CNTNAP2: variants seen among roughly 807,000 people sequenced by gnomAD.
CNTNAP2 encodes contactin-associated protein-like 2.
CNTNAP2 carries 98 observed loss-of-function variants against 155.2 expected under a neutral mutation model. The observed-to-expected ratio is 0.63, with a 90% CI of 0.54 to 0.75. The LOEUF is 0.75. Ranked by LOEUF, CNTNAP2 falls within the 30% of genes least tolerant of loss-of-function variation. The probability of loss-of-function intolerance (pLI) is 0.00; values close to 1 mark genes in which losing one functional copy is unlikely to be tolerated. For synonymous variants in CNTNAP2, 651 were observed against 631.2 expected, an observed-to-expected ratio of 1.03 and a Z score of -0.47; for missense variants, 1,727 against 1,688.1, an observed-to-expected ratio of 1.02 and a Z score of -0.40.
At chr7:148,371,846 C>T (rs565099949) in intron 21 of CNTNAP2, among the ~76,000 whole-genome samples, 2 of 152,170 alleles carry the variant, frequency 1.3e-5, no homozygotes, top group South Asian at 2.1e-4. Context: ...CTGTAGGCAA[C>T]GGTAACACAA....
rs376088465 is a variant in CNTNAP2, at chr7:148,288,185, C to T, written c.3475+21059C>T. ...CACAATCTTGGCTCACTGCAAGCTC[C>T]GCCTCCCAGCTTCAAGTGATTCTCC... is the stretch of plus-strand genomic sequence containing the variant. On this transcript the variant is annotated intron_variant, in intron 21 of 23. Coordinates refer to ENST00000361727, the MANE Select transcript of CNTNAP2 (RefSeq NM_014141.6). Among the ~76,000 whole-genome samples, 197 of 151,658 alleles carry T rather than the reference C, an allele frequency of 1.3e-3. No homozygotes were observed. In the Middle Eastern group the frequency reaches 0.034, roughly 26 times the overall value.
chr7:147,012,746 G>GTAAT (rs1376467488), intron 3 of CNTNAP2, among the ~76,000 whole-genome samples: 1 of 152,074 alleles, frequency 6.6e-6, no homozygotes, highest in Non-Finnish European at 1.5e-5. Flanking sequence ...AACATAATTT[G>GTAAT]TAATTAGATT....
intron 21 of CNTNAP2, among the ~76,000 whole-genome samples, chr7:148,289,487 C>T (rs1797152079): frequency 1.3e-5 from 2 of 151,250 alleles, no homozygotes; most frequent in Non-Finnish European, 2.9e-5. Flanking sequence ...AGAGTATGAC[C>T]AATAAACACC....
intron 21 of CNTNAP2, among the ~76,000 whole-genome samples, chr7:148,281,026 A>T (rs975711056): frequency 4.6e-5 from 7 of 152,174 alleles, no homozygotes; most frequent in Non-Finnish European, 1.0e-4. Context: ...AGTGTCTCCT[A>T]GGGGCTAGTG....
At chr7:146,363,847 G>A (rs910258344) in intron 1 of CNTNAP2, among the ~76,000 whole-genome samples, 2 of 152,124 alleles carry the variant, frequency 1.3e-5, no homozygotes, top group African/African-American at 4.8e-5. Flanking sequence ...ATTGGGTCGA[G>A]GGAGAACAGG....
chr7:147,305,965 G>T (rs1267334328), intron 9 of CNTNAP2, among the ~76,000 whole-genome samples: 1 of 152,032 alleles, frequency 6.6e-6, no homozygotes, highest in Non-Finnish European at 1.5e-5. Flanking sequence ...TCTTCACATA[G>T]TCTCCTCCCC....
chr7:148,358,198 G>A (rs1798553695), intron 21 of CNTNAP2, among the ~76,000 whole-genome samples: 1 of 152,190 alleles, frequency 6.6e-6, no homozygotes, highest in African/African-American at 2.4e-5. Context: ...GAGAAGCAGG[G>A]TGGGTCAGAG....
chr7:147,623,974 A>G (rs1794918130), intron 12 of CNTNAP2, among the ~76,000 whole-genome samples: 1 of 152,110 alleles, frequency 6.6e-6, no homozygotes, highest in Non-Finnish European at 1.5e-5. Context: ...GCTACAGCGA[A>G]TTCATTTTGA....
rs575225722 is a variant in CNTNAP2, at chr7:147,184,086, A to G, written c.1348+51577A>G. Among the ~76,000 whole-genome samples the G allele has an allele frequency of 1.9e-4, 29 of 152,276 alleles. No individual in the cohort carries two copies. In the South Asian group the frequency reaches 6.0e-3, roughly 32 times the overall value. ...AATTATTAGAAGAAAGAGTGACTAT[A>G]CTTCCCAAATGAGTATTGATAAGCC... On this transcript the variant is annotated intron_variant, in intron 8 of 23. Coordinates refer to ENST00000361727, the MANE Select transcript of CNTNAP2 (RefSeq NM_014141.6).
intron 13 of CNTNAP2, among the ~76,000 whole-genome samples, chr7:147,802,814 G>GGAGAGGGAGAAA (rs1798028531): frequency 6.6e-6 from 1 of 150,858 alleles, no homozygotes; most frequent in Non-Finnish European, 1.5e-5. Flanking sequence ...AGAGGGAGAG[G>GGAGAGGGAGAAA]GAGAGGGAGA....
chr7:146,895,509 G>A (rs1795858206), intron 3 of CNTNAP2, among the ~76,000 whole-genome samples: 1 of 152,062 alleles, frequency 6.6e-6, no homozygotes, highest in Non-Finnish European at 1.5e-5. Flanking sequence ...ATCAAATTAT[G>A]TGTATCTGTA....
intron 10 of CNTNAP2, among the ~76,000 whole-genome samples, chr7:147,426,029 A>T (rs1797372399): frequency 6.6e-6 from 1 of 152,298 alleles, no homozygotes; most frequent in African/African-American, 2.4e-5. Context: ...AGATTTAGAG[A>T]TTAAAAAATC....
At chr7:147,137,901 ATAGATAGATAGATAGG>A (rs1265054977) in intron 8 of CNTNAP2, among the ~76,000 whole-genome samples, 5 of 132,178 alleles carry the variant, frequency 3.8e-5, no homozygotes, top group Non-Finnish European at 6.8e-5. Context: ...AGATAGATAG[ATAGATAGATAGATAGG>A]TAGATAGATA....
chr7:146,930,941 C>T (rs998123515), intron 3 of CNTNAP2, among the ~76,000 whole-genome samples: 6 of 152,220 alleles, frequency 3.9e-5, no homozygotes, highest in African/African-American at 1.4e-4. Context: ...TAAAGCAAGT[C>T]CTGAGTGACC....
intron 14 of CNTNAP2, among the ~76,000 whole-genome samples, chr7:147,973,160 T>A (rs141568634): frequency 1.6e-4 from 19 of 120,840 alleles, no homozygotes; most frequent in African/African-American, 2.1e-4. Flanking sequence ...TCTCTAAAAT[T>A]AAAAAAAAAA....
chr7:147,618,387 C>T (rs1410742473), intron 12 of CNTNAP2, among the ~76,000 whole-genome samples: 1 of 151,928 alleles, frequency 6.6e-6, no homozygotes, highest in Non-Finnish European at 1.5e-5. Flanking sequence ...TTTTGTAAAA[C>T]AAGGATCATT....
chr7:146,732,879 C>T (rs1398956451), intron 1 of CNTNAP2, among the ~76,000 whole-genome samples: 1 of 152,022 alleles, frequency 6.6e-6, no homozygotes, highest in African/African-American at 2.4e-5. Flanking sequence ...TTGCTATTTG[C>T]ATTATTTTTT....
intron 22 of CNTNAP2, among the ~76,000 whole-genome samples, chr7:148,396,104 GGGCT>G (rs890948154): frequency 1.3e-5 from 2 of 152,146 alleles, no homozygotes; most frequent in Admixed American, 1.3e-4. Context: ...GTGTCACGTG[GGGCT>G]GGCTAAGTGC....
intron 1 of CNTNAP2, among the ~76,000 whole-genome samples, chr7:146,559,859 A>G (rs1349566358): frequency 6.8e-6 from 1 of 147,366 alleles, no homozygotes; most frequent in Non-Finnish European, 1.5e-5. Context: ...TACAAAAAAA[A>G]TGACACAATT....
Sources: gnomAD v4.1 joint callset for allele counts (sites outside exome capture counted in the v4.1 genomes callset) on GRCh38, gnomAD v4.1.1 for gene constraint, MANE v1.5 for transcripts, NCBI Gene and HGNC (gene_info 2026-07-23, HGNC 2026-07-21) for gene names.